The following PRKG1 variants were observed in gnomAD, a reference collection of about 807,000 sequenced individuals.
PRKG1 encodes cGMP-dependent protein kinase 1.
Under a neutral mutation model 88.1 loss-of-function variants are expected in PRKG1, and 35 were observed. That is an observed-to-expected ratio of 0.40 (90% confidence interval 0.30 to 0.53). The LOEUF (loss-of-function observed/expected upper bound fraction) is 0.53, where lower values mean the gene tolerates loss of function less well. PRKG1 is among the 20% of genes least tolerant of loss of function. PRKG1 has a pLI of 0.59. For missense variants in PRKG1, 540 were observed against 839.8 expected (o/e 0.64, Z 4.41); for synonymous variants, 303 against 292.5 (o/e 1.04, Z -0.37).
At chr10:51,260,780 A>G (rs980403978) in intron 2 of PRKG1, among the ~76,000 whole-genome samples, 2 of 152,234 alleles carry the variant, frequency 1.3e-5, no homozygotes, top group Admixed American at 1.3e-4. Flanking sequence ...ATTTTTGGTC[A>G]CCAAGAAATT....
intron 3 of PRKG1, among the ~76,000 whole-genome samples, chr10:51,795,374 T>C (rs189475204): frequency 6.6e-6 from 1 of 152,132 alleles, no homozygotes; most frequent in African/African-American, 2.4e-5. Flanking sequence ...CCATCCTCTA[T>C]ATGTCATTGA....
At chr10:52,118,157 G>A (rs1425324403) in intron 7 of PRKG1, among the ~76,000 whole-genome samples, 5 of 151,758 alleles carry the variant, frequency 3.3e-5, no homozygotes, top group Admixed American at 6.6e-5. Context: ...ATTTATACTG[G>A]CATTATTTTC....
intron 3 of PRKG1, among the ~76,000 whole-genome samples, chr10:51,716,252 G>A (rs368491838): frequency 6.6e-5 from 10 of 152,170 alleles, no homozygotes; most frequent in Admixed American, 4.6e-4. Flanking sequence ...TGGCTATCAA[G>A]CCGAAACCTG....
At chr10:52,122,412 C>A (rs73342967) in intron 7 of PRKG1, among the ~76,000 whole-genome samples, 1 of 152,128 alleles carries the variant, frequency 6.6e-6, no homozygotes, top group African/African-American at 2.4e-5. Flanking sequence ...ACACACCTAT[C>A]GAATAATTAT....
chr10:51,286,600 A>C (rs1840446915), intron 2 of PRKG1, among the ~76,000 whole-genome samples: 2 of 152,136 alleles, frequency 1.3e-5, no homozygotes, highest in South Asian at 4.1e-4. Flanking sequence ...TGACATATAC[A>C]GTTATTATAA....
rs550667670 is a variant in PRKG1 at position 51,946,761 on chromosome 10, G to A, written c.762+39191G>A. 3.1e-3 allele frequency among the ~76,000 whole-genome samples: 475 copies of A among 152,160 alleles called. 8 individuals are homozygous for A. The highest frequency in any genetic ancestry group is 9.8e-3 in the African/African-American group (406 of 41,432). ...GTTTGCCTGAGTACCAGCAGCAGTGGCTGCAGAAGAGCGGATTTTCATGAA... is the reference window on the plus strand; with the variant it reads ...GTTTGCCTGAGTACCAGCAGCAGTGACTGCAGAAGAGCGGATTTTCATGAA... On this transcript the variant is annotated intron_variant, in intron 5 of 17. Transcript: ENST00000373980.
At chr10:51,767,018 G>C (rs924341729) in intron 3 of PRKG1, among the ~76,000 whole-genome samples, 3 of 152,086 alleles carry the variant, frequency 2.0e-5, no homozygotes, top group African/African-American at 4.8e-5. Context: ...ATGTTAAACT[G>C]TTACACCAAC....
chr10:52,284,821 TTA>T (rs1169884886), intron 14 of PRKG1, among the ~76,000 whole-genome samples: 1 of 152,042 alleles, frequency 6.6e-6, no homozygotes, highest in African/African-American at 2.4e-5. Context: ...CTTTTAAGGC[TTA>T]TAATGTTGGT....
chr10:52,090,389 C>T (rs1847026728), intron 7 of PRKG1, among the ~76,000 whole-genome samples: 1 of 151,620 alleles, frequency 6.6e-6, no homozygotes, highest in Non-Finnish European at 1.5e-5. Context: ...AATAAATGTT[C>T]ATAAGTCCCT....
Position 51,907,451 on chromosome 10 carries a change from C to T in PRKG1, c.699-56C>T, listed in dbSNP as rs1158881769. 7 of 1,341,590 alleles carry T rather than the reference C, an allele frequency of 5.2e-6. No homozygotes were observed. The African/African-American group carries it at 5.9e-5, about 11-fold the overall frequency. The allele number at this position is 1,341,590 out of a possible 1,614,324, so 83.1% of individuals were successfully genotyped here. ...ATTAGATTCATGGTCATTTTTATTA[C>T]TTATGAAAGTAAGTTGTGGTTCATG... On this transcript the variant is annotated intron_variant, in intron 4 of 17. Coordinates refer to ENST00000373980, the MANE Select transcript of PRKG1 (RefSeq NM_006258.4).
At chr10:51,199,942 G>A (rs1473227856) in intron 2 of PRKG1, among the ~76,000 whole-genome samples, 1 of 152,156 alleles carries the variant, frequency 6.6e-6, no homozygotes, top group African/African-American at 2.4e-5. Context: ...ATGCAAGAGA[G>A]CTGTTTCTTC....
At chr10:51,349,454 T>TTG (rs34302728) in intron 2 of PRKG1, among the ~76,000 whole-genome samples, 8,499 of 97,306 alleles carry the variant, frequency 0.087, 266 homozygotes, top group Middle Eastern at 0.16. Flanking sequence ...TTCATATTGT[T>TTG]TGTGTGTGTG....
At chr10:52,258,979 C>T (rs1841370289) in intron 10 of PRKG1, among the ~76,000 whole-genome samples, 1 of 151,910 alleles carries the variant, frequency 6.6e-6, no homozygotes, top group Admixed American at 6.6e-5. Context: ...AGGGTTACAA[C>T]ATAAAAGGCC....
At chr10:51,709,671 C>A (rs1461811647) in intron 3 of PRKG1, among the ~76,000 whole-genome samples, 1 of 152,180 alleles carries the variant, frequency 6.6e-6, no homozygotes, top group Non-Finnish European at 1.5e-5. Context: ...AAAGTGCCAA[C>A]ATTTTTCTGC....
intron 1 of PRKG1, among the ~76,000 whole-genome samples, chr10:51,150,174 A>G (rs1412038747): frequency 2.6e-5 from 4 of 152,280 alleles, no homozygotes; most frequent in South Asian, 2.1e-4. Flanking sequence ...GTTAAAATAT[A>G]TACTCTGGGT....
At chr10:51,108,786 A>C (rs1194514864) in intron 1 of PRKG1, among the ~76,000 whole-genome samples, 1 of 152,190 alleles carries the variant, frequency 6.6e-6, no homozygotes, top group African/African-American at 2.4e-5. Flanking sequence ...GATAGGCAAG[A>C]ATAAAAAGTA....
chr10:51,743,636 A>G (rs1837492932), intron 3 of PRKG1, among the ~76,000 whole-genome samples: 1 of 139,500 alleles, frequency 7.2e-6, no homozygotes, highest in African/African-American at 2.6e-5. Context: ...AATTTATTTT[A>G]TATATATATA....
At chr10:51,445,583 C>T (rs974607296) in intron 2 of PRKG1, among the ~76,000 whole-genome samples, 3 of 151,926 alleles carry the variant, frequency 2.0e-5, no homozygotes, top group South Asian at 4.1e-4. Flanking sequence ...CAAGGGACAC[C>T]TCATCAAGTA....
intron 3 of PRKG1, among the ~76,000 whole-genome samples, chr10:51,785,630 T>C (rs2132572038): frequency 6.6e-6 from 1 of 152,248 alleles, no homozygotes; most frequent in Non-Finnish European, 1.5e-5. Context: ...AAGGCAGATT[T>C]TGTTGATTAT....
Sources: gnomAD v4.1 joint callset for allele counts (sites outside exome capture counted in the v4.1 genomes callset) on GRCh38, gnomAD v4.1.1 for gene constraint, MANE v1.5 for transcripts, NCBI Gene and HGNC (gene_info 2026-07-23, HGNC 2026-07-21) for gene names.